The following ZNF277 variants were observed in gnomAD, a reference collection of about 807,000 sequenced individuals.
The protein encoded by ZNF277 is nuclear receptor-interacting factor 4.
ZNF277 carries 55 observed loss-of-function variants against 60.7 expected under a neutral mutation model. The ratio of observed to expected loss-of-function variants is 0.91; its 90% CI spans 0.73 to 1.13. ZNF277 has a LOEUF of 1.13. Among genes scored for constraint, ZNF277 ranks in the 50% most tolerant of loss-of-function variants. The probability of loss-of-function intolerance (pLI) is 0.00; values close to 1 mark genes in which losing one functional copy is unlikely to be tolerated. For missense variants in ZNF277, 510 were observed against 523.0 expected (o/e 0.98, Z 0.24); for synonymous variants, 178 against 179.3 (o/e 0.99, Z 0.06).
intron 4 of ZNF277, among the ~76,000 whole-genome samples, chr7:112,310,485 G>GAGAGAGAGAGAGA (rs768628542): frequency 6.1e-5 from 9 of 147,314 alleles, no homozygotes; most frequent in Admixed American, 1.3e-4. Context: ...GAGAGTGTGT[G>GAGAGAGAGAGAGA]TGTGTGTATG....
Position 112,255,222 on chromosome 7 carries a change from A to G in ZNF277, c.92-31651A>G, listed in dbSNP as rs920232531. On this transcript the variant is annotated intron_variant, in intron 1 of 11. Coordinates refer to ENST00000361822, the MANE Select transcript of ZNF277 (RefSeq NM_021994.3). ...TTTTATGCTTAAACACATCAAAAGCATACAGTAAAAAAAGTGATTTTTTTT... is the reference window on the plus strand; with the variant it reads ...TTTTATGCTTAAACACATCAAAAGCGTACAGTAAAAAAAGTGATTTTTTTT... 4.6e-5 allele frequency among the ~76,000 whole-genome samples: 7 copies of G among 152,338 alleles called. 1 individual carries two copies. The highest frequency in any genetic ancestry group is 3.9e-4 in the Admixed American group (6 of 15,302).
chr7:112,317,790 T>A (rs1465146997), intron 4 of ZNF277, among the ~76,000 whole-genome samples: 1 of 152,074 alleles, frequency 6.6e-6, no homozygotes, highest in Non-Finnish European at 1.5e-5. Flanking sequence ...AAAAGTTATA[T>A]GGAAGATAGT....
intron 1 of ZNF277, among the ~76,000 whole-genome samples, chr7:112,274,946 C>T (rs570747562): frequency 6.6e-6 from 1 of 152,288 alleles, no homozygotes; most frequent in South Asian, 2.1e-4. Flanking sequence ...AATAAAAGCA[C>T]TTACCAGTCA....
chr7:112,303,214 G>C lies in ZNF277; in HGVS notation c.465+6903G>C, dbSNP rs138814702. ...GATCCACCTGCCTTGGCCTCCCAAAGTGCTGGGATTACAGGTGTGAGCCAC... is the reference window on the plus strand; with the variant it reads ...GATCCACCTGCCTTGGCCTCCCAAACTGCTGGGATTACAGGTGTGAGCCAC... On this transcript the variant is annotated intron_variant, in intron 4 of 11. Coordinates refer to ENST00000361822, the MANE Select transcript of ZNF277 (RefSeq NM_021994.3). Among the ~76,000 whole-genome samples the C allele has an allele frequency of 1.4e-4, 22 of 152,156 alleles. 1 individual carries two copies. The East Asian group carries it at 3.9e-3, about 27-fold the overall frequency.
intron 1 of ZNF277, among the ~76,000 whole-genome samples, chr7:112,270,071 C>T (rs1791634813): frequency 6.6e-6 from 1 of 152,028 alleles, no homozygotes; most frequent in African/African-American, 2.4e-5. Flanking sequence ...GGTTAAGTCT[C>T]CACTGGATTC....
intron 7 of ZNF277, among the ~76,000 whole-genome samples, chr7:112,333,958 T>C (rs1265171595): frequency 6.6e-6 from 1 of 152,222 alleles, no homozygotes; most frequent in African/African-American, 2.4e-5. Flanking sequence ...ACGATGCTCA[T>C]GTTTCAAACC....
intron 1 of ZNF277, among the ~76,000 whole-genome samples, chr7:112,226,898 C>G (rs1294330268): frequency 6.6e-6 from 1 of 151,950 alleles, no homozygotes; most frequent in Admixed American, 6.6e-5. Flanking sequence ...CAAAATGATT[C>G]ATAGGACCCA....
chr7:112,268,252 A>ACACACG (rs1791592070), intron 1 of ZNF277, among the ~76,000 whole-genome samples: 2 of 151,218 alleles, frequency 1.3e-5, no homozygotes, highest in Admixed American at 1.3e-4. Flanking sequence ...CTGCATGCAC[A>ACACACG]CACACGCACA....
intron 2 of ZNF277, chr7:112,287,500 A>G (rs1324276550): frequency 2.0e-5 from 3 of 151,644 alleles, no homozygotes; most frequent in Non-Finnish European, 4.4e-5. Context: ...AAAAAAAAAA[A>G]CTTTACAACT....
chr7:112,276,601 G>A (rs901872011), intron 1 of ZNF277, among the ~76,000 whole-genome samples: 2 of 152,034 alleles, frequency 1.3e-5, no homozygotes, highest in African/African-American at 4.8e-5. Flanking sequence ...AGACTTTCCA[G>A]AATATATAAC....
intron 7 of ZNF277, 190 bp downstream of exon 7, chr7:112,330,406 A>G: frequency 1.6e-6 from 1 of 623,532 alleles, no homozygotes. Context: ...CTTTTATTTG[A>G]CAGTGTTTAT....
At chr7:112,316,241 AT>A (rs1409068994) in intron 4 of ZNF277, among the ~76,000 whole-genome samples, 8 of 152,218 alleles carry the variant, frequency 5.3e-5, no homozygotes, top group African/African-American at 1.9e-4. Flanking sequence ...GAAATAGAAT[AT>A]ATTAATGGGG....
At chr7:112,336,828 C>T (rs1793344068) in intron 8 of ZNF277, among the ~76,000 whole-genome samples, 1 of 152,088 alleles carries the variant, frequency 6.6e-6, no homozygotes, top group African/African-American at 2.4e-5. Flanking sequence ...AACATCTTTC[C>T]CATTAAGACA....
Position 112,342,988 on chromosome 7 carries a change from T to C in ZNF277, c.*259T>C. 8.4e-6 allele frequency: 2 copies of C among 238,970 alleles called. No homozygotes were observed. The highest frequency in any genetic ancestry group is 1.6e-5 in the Non-Finnish European group (2 of 124,036). 14.8% of individuals were successfully genotyped at this position (238,970 alleles called of 1,614,324 possible). ...GCTGTAAAGTTTTATTGTGTGATCATCTTAAATTATCTCACTTCATTAAAC... is the reference window on the plus strand; with the variant it reads ...GCTGTAAAGTTTTATTGTGTGATCACCTTAAATTATCTCACTTCATTAAAC... On this transcript the variant is annotated 3_prime_UTR_variant, in exon 12 of 12. Transcript: ENST00000361822.
At chr7:112,283,428 C>G (rs550786558) in intron 1 of ZNF277, among the ~76,000 whole-genome samples, 2 of 152,122 alleles carry the variant, frequency 1.3e-5, no homozygotes, top group African/African-American at 2.4e-5. Flanking sequence ...AAGGCTGACA[C>G]AGGAGACTCG....
At chr7:112,216,383 C>T (rs2116954038) in intron 1 of ZNF277, among the ~76,000 whole-genome samples, 1 of 152,270 alleles carries the variant, frequency 6.6e-6, no homozygotes, top group Middle Eastern at 3.4e-3. Context: ...GATCTCAGCT[C>T]ACTGCAACCT....
chr7:112,298,524 T>C (rs1792403755), intron 4 of ZNF277, among the ~76,000 whole-genome samples: 1 of 152,208 alleles, frequency 6.6e-6, no homozygotes, highest in Admixed American at 6.5e-5. Flanking sequence ...GTGGAAATCC[T>C]TCAGTGCCAG....
intron 1 of ZNF277, among the ~76,000 whole-genome samples, chr7:112,274,411 C>G (rs1294032744): frequency 6.6e-6 from 1 of 152,110 alleles, no homozygotes; most frequent in African/African-American, 2.4e-5. Context: ...CCTGCATCAG[C>G]CTTTCAACAT....
chr7:112,282,251 A>G (rs1002308862), intron 1 of ZNF277, among the ~76,000 whole-genome samples: 1 of 152,214 alleles, frequency 6.6e-6, no homozygotes, highest in African/African-American at 2.4e-5. Context: ...GGGCATGGAG[A>G]GATGGGGTGG....
Sources: allele counts gnomAD v4.1 joint callset (sites outside exome capture counted in the v4.1 genomes callset), GRCh38; gene constraint gnomAD v4.1.1; transcripts MANE v1.5; gene names NCBI Gene and HGNC (gene_info 2026-07-23, HGNC 2026-07-21).